Variants in LRRIQ1 observed in about 807,000 individuals in gnomAD.
LRRIQ1 encodes leucine rich repeats and IQ motif containing 1.
LRRIQ1 carries 210 observed loss-of-function variants against 211.9 expected under a neutral mutation model. That is an observed-to-expected ratio of 0.99 (90% confidence interval 0.89 to 1.11). The LOEUF is 1.11. LRRIQ1 is among the 50% of genes most tolerant of loss of function. The pLI is 0.00. For synonymous variants in LRRIQ1, 699 were observed against 650.1 expected (o/e 1.08, Z -1.14); for missense variants, 2,136 against 1,939.5 (o/e 1.10, Z -1.90).
At chr12:85,085,628 C>T (rs1884739795) in intron 11 of LRRIQ1, among the ~76,000 whole-genome samples, 1 of 152,130 alleles carries the variant, frequency 6.6e-6, no homozygotes, top group Non-Finnish European at 1.5e-5. Context: ...TTTATTGTTC[C>T]CATCTTTATG....
Position 85,111,048 on chromosome 12 carries a change from TA to T in LRRIQ1, c.3377+4439del, listed in dbSNP as rs1178469237. Among the ~76,000 whole-genome samples the T allele has an allele frequency of 2.6e-5, 4 of 152,138 alleles. 1 individual carries two copies. The South Asian group carries it at 6.2e-4, about 24-fold the overall frequency. The stretch of plus-strand genomic sequence containing the variant: ...ATAGGGTAATATAGGTTAGGCTTCA[TA>T]AAAAATAACCCAGAAATCTGTGTGG... On this transcript the variant is annotated intron_variant, in intron 15 of 26. Transcript: ENST00000393217.
At chr12:85,247,536 C>T (rs988331866), downstream of LRRIQ1, among the ~76,000 whole-genome samples, 1 of 151,330 alleles carries the variant, frequency 6.6e-6, no homozygotes, top group African/African-American at 2.4e-5. Context: ...AGTTGTGTGC[C>T]CTTAGGTAAA....
In LRRIQ1 at chr12:85,098,935, G is replaced by A. The variant is rs766697457; in HGVS notation, c.3150G>A (p.Val1050=). 1.3e-5 allele frequency: 21 copies of A among 1,571,380 alleles called. No homozygotes were observed. The highest frequency in any genetic ancestry group is 2.6e-6 in the Non-Finnish European group (3 of 1,155,960). The change falls in exon 13 of 27, where the codon GTG becomes GTA. Residue 1050 remains valine, a synonymous_variant. Coordinates refer to ENST00000393217, the MANE Select transcript of LRRIQ1 (RefSeq NM_001079910.2). ...LHLDDNSIST[V]EAFSSYWLPL... ...TGGATGATAACAGCATTTCAACTGT[G>A]GAAGCATTTTCTTCATACTGGCTGC...
At chr12:85,256,205 A>C (rs1288704890) in intron 1 of LRRIQ1, among the ~76,000 whole-genome samples, 1 of 151,698 alleles carries the variant, frequency 6.6e-6, no homozygotes, top group Admixed American at 6.6e-5. Flanking sequence ...CTAGTTGTAC[A>C]TATGTTAGCT....
chr12:85,205,640 G>A (rs886068248), intron 24 of LRRIQ1, among the ~76,000 whole-genome samples: 2 of 151,994 alleles, frequency 1.3e-5, no homozygotes, highest in African/African-American at 4.8e-5. Context: ...ATGAATATTG[G>A]CCTCTCTGGC....
intron 15 of LRRIQ1, among the ~76,000 whole-genome samples, chr12:85,111,806 A>T (rs1264598623): frequency 2.0e-5 from 3 of 152,104 alleles, no homozygotes; most frequent in Non-Finnish European, 4.4e-5. Context: ...CAAATTTATT[A>T]GAGTCCAGGA....
chr12:85,245,285 G>A (rs1344331918), downstream of LRRIQ1, among the ~76,000 whole-genome samples: 1 of 151,214 alleles, frequency 6.6e-6, no homozygotes, highest in African/African-American at 2.4e-5. Flanking sequence ...TGATTTAATA[G>A]ATACTGTATG....
At chr12:85,124,028 G>T (rs1475136736) in intron 16 of LRRIQ1, 42 bp from the exon 17 acceptor site, 1 of 1,438,028 alleles carries the variant, frequency 7.0e-7, no homozygotes, top group South Asian at 1.2e-5. Flanking sequence ...AATATTTGCT[G>T]GTACTATTCT....
At chr12:85,212,678 A>C (rs1230792452) in intron 24 of LRRIQ1, among the ~76,000 whole-genome samples, 1 of 151,278 alleles carries the variant, frequency 6.6e-6, no homozygotes, top group Non-Finnish European at 1.5e-5. Flanking sequence ...GGTTACTTTT[A>C]GATTACGTTA....
intron 19 of LRRIQ1, among the ~76,000 whole-genome samples, chr12:85,138,531 TG>T (rs1449400539): frequency 2.6e-5 from 4 of 151,544 alleles, no homozygotes; most frequent in African/African-American, 9.7e-5. Flanking sequence ...GGTGATATTG[TG>T]TTCTTCTCAA....
At chr12:85,233,385 A>G (rs1371694884) in intron 26 of LRRIQ1, among the ~76,000 whole-genome samples, 3 of 152,024 alleles carry the variant, frequency 2.0e-5, no homozygotes, top group Admixed American at 2.0e-4. Flanking sequence ...AAATTTCCAG[A>G]GAAGAGAGTA....
chr12:85,093,120 T>C (rs1885553922), intron 11 of LRRIQ1, among the ~76,000 whole-genome samples: 1 of 152,060 alleles, frequency 6.6e-6, no homozygotes, highest in African/African-American at 2.4e-5. Flanking sequence ...TTCAGGAGGG[T>C]GTGCATGAGG....
intron 24 of LRRIQ1, among the ~76,000 whole-genome samples, chr12:85,200,620 T>C (rs147024643): frequency 1.3e-5 from 2 of 152,156 alleles, no homozygotes; most frequent in African/African-American, 4.8e-5. Context: ...CTTATTATTC[T>C]GAAACATGTT....
chr12:85,207,703 G>T (rs969869090), intron 24 of LRRIQ1, among the ~76,000 whole-genome samples: 4 of 152,156 alleles, frequency 2.6e-5, no homozygotes, highest in African/African-American at 9.7e-5. Context: ...ATTTTGAAGG[G>T]TGTGAGATCT....
At chr12:85,186,182 A>C (rs1892219776) in intron 24 of LRRIQ1, among the ~76,000 whole-genome samples, 1 of 152,190 alleles carries the variant, frequency 6.6e-6, no homozygotes. Context: ...TGTTCAAAAG[A>C]AAGTTATAGT....
intron 19 of LRRIQ1, among the ~76,000 whole-genome samples, chr12:85,151,964 A>G (rs960626508): frequency 2.4e-4 from 36 of 151,754 alleles, no homozygotes; most frequent in African/African-American, 8.2e-4. Flanking sequence ...GACTTTACTC[A>G]GTTCCATCTA....
intron 8 of LRRIQ1, 121 bp downstream of exon 8, chr12:85,057,305 G>C (rs1354741884): frequency 1.2e-6 from 1 of 853,990 alleles, no homozygotes; most frequent in African/African-American, 1.8e-5. Context: ...GTTTAATAAA[G>C]TTATGAATGA....
chr12:85,234,188 G>T (rs1895076044), intron 26 of LRRIQ1, among the ~76,000 whole-genome samples: 1 of 152,106 alleles, frequency 6.6e-6, no homozygotes, highest in Non-Finnish European at 1.5e-5. Context: ...CGTGACTTGA[G>T]ATTGCACAAC....
rs761217598 is a variant in LRRIQ1, at chr12:85,102,944, CAAAAAAAAAAAA to C, written c.3210-1055_3210-1044del. ...ATTCAGAAGGCTTTTCTAATTGTGG[CAAAAAAAAAAAA>C]AAAATATATATATATATATATATAT... On this transcript the variant is annotated intron_variant, in intron 13 of 26. Coordinates refer to ENST00000393217, the MANE Select transcript of LRRIQ1 (RefSeq NM_001079910.2). 6.8e-5 allele frequency among the ~76,000 whole-genome samples: 6 copies of C among 87,724 alleles called. No homozygotes were observed. The East Asian group carries it at 1.7e-3, about 24-fold the overall frequency. 57.6% of individuals were successfully genotyped at this position (87,724 alleles called of 152,430 possible).
Sources: allele counts gnomAD v4.1 joint callset (sites outside exome capture counted in the v4.1 genomes callset), GRCh38; gene constraint gnomAD v4.1.1; transcripts MANE v1.5; gene names NCBI Gene and HGNC (gene_info 2026-07-23, HGNC 2026-07-21).